Variants in TTN observed in about 807,000 individuals in gnomAD.
TTN encodes the protein titin.
TTN carries 1,525 observed loss-of-function variants against 3,223.0 expected under a neutral mutation model. The ratio of observed to expected loss-of-function variants is 0.47; its 90% CI spans 0.45 to 0.49. TTN has a LOEUF of 0.49. TTN is among the 20% of genes least tolerant of loss of function. TTN has a pLI of 0.00. For missense variants in TTN, 40,786 were observed against 43,424.0 expected, an observed-to-expected ratio of 0.94 and a Z score of 5.40; for synonymous variants, 14,094 against 15,161.0, an observed-to-expected ratio of 0.93 and a Z score of 5.17.
In TTN at chr2:178,587,630, T is replaced by A. The variant is rs752958666; in HGVS notation, c.63679A>T (p.Thr21227Ser). The part of the protein sequence containing the change: ...VRKGQVDLVD[T>S]MAFLVIPNST... ...TTGGGGATGACAAGGAAGGCCATAG[T>A]GTCAACCAGATCAACTTGTCCTTTT... Residue 21227 changes from threonine (T) to serine (S), a missense_variant, in exon 306 of 363, where the codon ACT becomes TCT. By Grantham distance (58) the Thr-to-Ser change is moderately conservative. Coordinates refer to ENST00000589042, the MANE Select transcript of TTN (RefSeq NM_001267550.2). 6.2e-7 allele frequency: 1 copy of A among 1,612,646 alleles called. No individual in the cohort carries two copies. The highest frequency in any genetic ancestry group is 8.5e-7 in the Non-Finnish European group (1 of 1,179,412).
chr2:178,601,024 T>G lies in TTN; in HGVS notation c.55880A>C (p.Lys18627Thr), dbSNP rs727503597. 8.7e-6 allele frequency: 14 copies of G among 1,612,924 alleles called. No homozygotes were observed. Among genetic ancestry groups the G allele is most frequent in the Non-Finnish European group, 1.1e-5 (13 of 1,179,358 alleles). Reference sequence around the variant, plus strand: ...ATTGCACTGCCTCCAGGCTTCTTTCTTTGTCCCAGTAGGGTCCCATGCAAG... The same window carrying G: ...ATTGCACTGCCTCCAGGCTTCTTTCGTTGTCCCAGTAGGGTCCCATGCAAG... ...ECLAWDPTGT[K>T]KEAWRQCNKR... The change falls in exon 288 of 363, where the codon AAG (lysine) becomes ACG (threonine). Residue 18627 changes from lysine (K) to threonine (T), a missense_variant. Coordinates refer to ENST00000589042, the MANE Select transcript of TTN (RefSeq NM_001267550.2).
intron 77 of TTN, 39 bp from the exon 78 acceptor site, chr2:178,722,173 T>G: frequency 6.5e-7 from 1 of 1,528,914 alleles, no homozygotes; most frequent in Non-Finnish European, 8.8e-7. Context: ...ATTTTTTGTT[T>G]GTTTTTTTGC....
At chr2:178,737,884 G>T in intron 49 of TTN, 198 bp downstream of exon 49, 1 of 530,480 alleles carries the variant, frequency 1.9e-6, no homozygotes, top group Non-Finnish European at 3.1e-6. Context: ...TTTTTTCTTT[G>T]GTCAGTAGTA....
In TTN at chr2:178,778,124, A is replaced by G; in HGVS notation, c.4209-149T>C. 3.1e-6 allele frequency: 3 copies of G among 982,966 alleles called. No individual in the cohort carries two copies. In the East Asian group the frequency reaches 7.9e-5, roughly 26 times the overall value. 60.9% of individuals were successfully genotyped at this position (982,966 alleles called of 1,614,324 possible). ...CACCTCAAACTCATTCAGATCTAAA[A>G]TAGAATATATTATTGTTGCCCCCAC... On this transcript the variant is annotated intron_variant, in intron 24 of 362. Coordinates refer to ENST00000589042, the MANE Select transcript of TTN (RefSeq NM_001267550.2).
chr2:178,736,765 G>C (rs894043391), intron 49 of TTN, among the ~76,000 whole-genome samples: 1 of 151,986 alleles, frequency 6.6e-6, no homozygotes, highest in African/African-American at 2.4e-5. Flanking sequence ...ACTTCCAAAC[G>C]CGTCAGTATG....
chr2:178,714,326 C>G lies in TTN; in HGVS notation c.26448G>C (p.Gly8816=). 6.2e-7 allele frequency: 1 copy of G among 1,613,530 alleles called. No individual in the cohort carries two copies. Among genetic ancestry groups the G allele is most frequent in the Non-Finnish European group, 8.5e-7 (1 of 1,179,568 alleles). ...KYTCQIKNDA[G]MQECFATLSV... ...ATAGCGTGGCGAAGCACTCTTGCAT[C>G]CCAGCATCGTTTTTGATCTGACAAG... Residue 8816 remains glycine, a synonymous_variant, in exon 91 of 363, where the codon GGG becomes GGC. Transcript: ENST00000589042.
At chr2:178,650,628 A>T in intron 209 of TTN, 123 bp downstream of exon 209, 1 of 1,001,010 alleles carries the variant, frequency 1.0e-6, no homozygotes, top group Non-Finnish European at 1.4e-6. Flanking sequence ...ATGATGAATT[A>T]AGACAAATAA....
In TTN at chr2:178,532,054, A is replaced by C. The variant is rs768717312; in HGVS notation, c.104561T>G (p.Val34854Gly). 9.3e-6 allele frequency: 15 copies of C among 1,613,730 alleles called. No individual in the cohort carries two copies. The African/African-American group carries it at 1.7e-4, about 19-fold the overall frequency. ...TGGACGTGACCGGATCAGCTCAGAC[A>C]CTGGCCTCATTAACTCAATATAAGT... The part of the protein sequence containing the change: ...SPTYIELMRP[V>G]SELIRSRPQP... Residue 34854 changes from valine to glycine, a missense_variant, in exon 358 of 363, where the codon GTG becomes GGG. By Grantham distance (109) the Val-to-Gly change is moderately radical. Transcript: ENST00000589042.
rs939559635 is a variant in TTN, at chr2:178,758,832, A to C, written c.10303+152T>G. 3.4e-5 allele frequency: 27 copies of C among 801,948 alleles called. No homozygotes were observed. In the African/African-American group the frequency reaches 4.6e-4, roughly 14 times the overall value. 49.7% of individuals were successfully genotyped at this position (801,948 alleles called of 1,614,324 possible). The stretch of plus-strand genomic sequence containing the variant: ...AATGAAAAGTGGTAAAGGAGAGGCG[A>C]GACCATGGCATATAACAGGGAAATA... On this transcript the variant is annotated intron_variant, in intron 44 of 362. Transcript: ENST00000589042.
Position 178,632,373 on chromosome 2 carries a change from A to G in TTN, c.43521T>C (p.Thr14507=), listed in dbSNP as rs762655778. 17 of 1,601,434 alleles carry G rather than the reference A, an allele frequency of 1.1e-5. No homozygotes were observed. The highest frequency in any genetic ancestry group is 2.3e-5 in the East Asian group (1 of 44,372). The part of the protein sequence containing the change: ...LKFLTPLKDV[T]AKEKESAVFT... ...ATACAGCACTTTCCTTCTCTTTGGC[A>G]GTTACATCTTTGAGAGGGGTGAGGA... The change falls in exon 236 of 363, where the codon ACT becomes ACC. Residue 14507 remains threonine (T), a synonymous_variant. Transcript: ENST00000589042.
rs2063503981 is a variant in TTN at position 178,653,486 on chromosome 2, A to G, written c.38648T>C (p.Ile12883Thr). The change falls in exon 197 of 363, where the codon ATT becomes ACT. Residue 12883 changes from isoleucine (I) to threonine (T), a missense_variant. Coordinates refer to ENST00000589042, the MANE Select transcript of TTN (RefSeq NM_001267550.2). ...CACCAGTGTTTTCTTTTCTGGCACA[A>G]TTTCTTGTGGGACTTCAGGCACTTG... is the stretch of plus-strand genomic sequence containing the variant. ...PATVPEVPQEIVPEKKTLVLP... is the reference protein window; with the variant it reads ...PATVPEVPQETVPEKKTLVLP... The G allele has an allele frequency of 6.5e-7, 1 of 1,545,192 alleles. No individual in the cohort carries two copies. The highest frequency in any genetic ancestry group is 8.7e-7 in the Non-Finnish European group (1 of 1,155,026).
chr2:178,727,329 A>T lies in TTN; in HGVS notation c.20036T>A (p.Val6679Glu). Residue 6679 changes from valine (V) to glutamate (E), a missense_variant, in exon 69 of 363, where the codon GTG (valine) becomes GAG (glutamate). Transcript: ENST00000589042. ...FVKKLEASKI[V>E]KAGDSSRLEC... is the part of the protein sequence containing the mutation. ...AAGTCGTGAAGAGTCACCTGCTTTC[A>T]CAATTTTGGAGGCTTCTAATTTCTT... The T allele has an allele frequency of 6.2e-7, 1 of 1,609,742 alleles. No homozygotes were observed. Among genetic ancestry groups the T allele is most frequent in the East Asian group, 2.2e-5 (1 of 44,742 alleles).
Position 178,757,650 on chromosome 2 carries a change from T to A in TTN, c.10570A>T (p.Met3524Leu). The A allele has an allele frequency of 6.2e-7, 1 of 1,613,874 alleles. No individual in the cohort carries two copies. Among genetic ancestry groups the A allele is most frequent in the African/African-American group, 1.3e-5 (1 of 75,044 alleles). ...HFEESTGMAL[M>L]LIVDAYSEHA... ...TCTGAGTAAGCATCAACTATAAGCA[T>A]TAAAGCCATGCCTGTGGACTCCTCA... Residue 3524 changes from methionine to leucine, a missense_variant, in exon 45 of 363, where the codon ATG becomes TTG. Coordinates refer to ENST00000589042, the MANE Select transcript of TTN (RefSeq NM_001267550.2).
chr2:178,787,267 T>C (rs1046695427), intron 13 of TTN, among the ~76,000 whole-genome samples: 1 of 152,146 alleles, frequency 6.6e-6, no homozygotes, highest in Non-Finnish European at 1.5e-5. Context: ...TTAGTGATCA[T>C]GGGCTTTATC....
In TTN at chr2:178,633,582, T is replaced by C. The variant is rs559080397; in HGVS notation, c.42777A>G (p.Pro14259=). The C allele has an allele frequency of 9.3e-6, 15 of 1,613,400 alleles. No homozygotes were observed. The highest frequency in any genetic ancestry group is 1.2e-5 in the Non-Finnish European group (14 of 1,179,596). ...TLKCEVSKDV[P]VKWFKDGEEI... Reference sequence around the variant, plus strand: ...CTTCACCATCTTTGAACCATTTCACTGGTACATCTTTGCTCACTTCACACT... The same window carrying C: ...CTTCACCATCTTTGAACCATTTCACCGGTACATCTTTGCTCACTTCACACT... The change falls in exon 232 of 363, where the codon CCA becomes CCG. Residue 14259 remains proline, a synonymous_variant. Transcript: ENST00000589042.
chr2:178,755,381 C>T (rs1055428928), intron 46 of TTN, among the ~76,000 whole-genome samples: 3 of 152,066 alleles, frequency 2.0e-5, no homozygotes, highest in East Asian at 1.9e-4. Flanking sequence ...TATCTAGAGA[C>T]TTCTAATTTT....
At position 178,701,651 on chromosome 2, in the gene TTN, G is replaced by A. The variant is rs2154289383; in HGVS notation, c.30539-64C>T. The A allele has an allele frequency of 9.9e-6, 15 of 1,511,738 alleles. No individual in the cohort carries two copies. The South Asian group carries it at 1.7e-4, about 17-fold the overall frequency. 93.6% of individuals were successfully genotyped at this position (1,511,738 alleles called of 1,614,324 possible). On this transcript the variant is annotated intron_variant, in intron 109 of 362. Transcript: ENST00000589042. ...ACAAGCTATTTATTAGAAAACTAAG[G>A]TGTGTTTGATTTATTAGATCCTGAG...
intron 49 of TTN, 29 bp from the exon 50 acceptor site, chr2:178,736,103 T>G: frequency 6.6e-7 from 1 of 1,526,062 alleles, no homozygotes; most frequent in Non-Finnish European, 8.8e-7. Context: ...CAGCATTACA[T>G]TTAGTCCCCA....
In TTN at chr2:178,580,303, T is replaced by C; in HGVS notation, c.67057+19A>G. 1.2e-6 allele frequency: 2 copies of C among 1,607,556 alleles called. No individual in the cohort carries two copies. Among genetic ancestry groups the C allele is most frequent in the Non-Finnish European group, 1.7e-6 (2 of 1,177,426 alleles). ...AGCTATTTTAAAATATATATGATTC[T>C]TTTTTGAAATAGACTTACCAAGCAC... is the stretch of plus-strand genomic sequence containing the variant. On this transcript the variant is annotated intron_variant, in intron 317 of 362. Transcript: ENST00000589042.
Sources: allele counts gnomAD v4.1 joint callset (sites outside exome capture counted in the v4.1 genomes callset), GRCh38; gene constraint gnomAD v4.1.1; transcripts MANE v1.5; gene names NCBI Gene and HGNC (gene_info 2026-07-23, HGNC 2026-07-21).